Variants in RTN3 observed in about 807,000 individuals in gnomAD.
The protein encoded by RTN3 is reticulon-3.
In RTN3, 49 loss-of-function variants were observed where a neutral mutation model predicts 77.8. The observed-to-expected ratio is 0.63, with a 90% CI of 0.50 to 0.80. The LOEUF (loss-of-function observed/expected upper bound fraction) is 0.80, where lower values mean the gene tolerates loss of function less well. Ranked by LOEUF, RTN3 falls within the 30% of genes least tolerant of loss-of-function variation. The pLI, the probability that RTN3 is intolerant of heterozygous loss-of-function variation, is 0.00. For missense variants in RTN3, 1,236 were observed against 1,211.9 expected (o/e 1.02, Z -0.29); for synonymous variants, 464 against 446.9 (o/e 1.04, Z -0.48).
At chr11:63,716,753 C>T (rs1311358953) in intron 2 of RTN3, among the ~76,000 whole-genome samples, 2 of 152,190 alleles carry the variant, frequency 1.3e-5, no homozygotes, top group East Asian at 1.9e-4. Flanking sequence ...ATCACGGGGT[C>T]AGGAGATCGA....
At chr11:63,685,848 GTAAT>G (rs1239586658) in intron 1 of RTN3, among the ~76,000 whole-genome samples, 1 of 152,148 alleles carries the variant, frequency 6.6e-6, no homozygotes, top group Non-Finnish European at 1.5e-5. Flanking sequence ...GACCTGTCCA[GTAAT>G]TAATTTTAGA....
At chr11:63,710,746 G>A (rs559351168) in intron 2 of RTN3, among the ~76,000 whole-genome samples, 1 of 152,200 alleles carries the variant, frequency 6.6e-6, no homozygotes, top group Admixed American at 6.6e-5. Flanking sequence ...TCGTTGCCTG[G>A]GAAACTTGTA....
chr11:63,750,397 A>G (rs2014037634), intron 4 of RTN3, 199 bp downstream of exon 4: 1 of 567,420 alleles, frequency 1.8e-6, no homozygotes, highest in Admixed American at 3.3e-5. Flanking sequence ...CTTTTTGACA[A>G]ATTAGAGGCT....
In RTN3 at chr11:63,721,048, A is replaced by G; in HGVS notation, c.2530+16A>G. The G allele has an allele frequency of 6.4e-7, 1 of 1,560,904 alleles. No individual in the cohort carries two copies. ...GACTTCTCAGGTAACCATTTATATT[A>G]GAATACTGCATGTGGTTAATTCTGT... On this transcript the variant is annotated intron_variant, in intron 3 of 8. Coordinates refer to ENST00000377819, the MANE Select transcript of RTN3 (RefSeq NM_001265589.2).
intron 3 of RTN3, among the ~76,000 whole-genome samples, chr11:63,734,948 TAGC>T (rs1297181232): frequency 7.2e-5 from 11 of 152,184 alleles, no homozygotes; most frequent in African/African-American, 2.7e-4. Context: ...TAAGTGAACT[TAGC>T]AGGATTGCGG....
At chr11:63,692,547 A>G (rs1439511512) in intron 1 of RTN3, among the ~76,000 whole-genome samples, 1 of 152,054 alleles carries the variant, frequency 6.6e-6, no homozygotes, top group Non-Finnish European at 1.5e-5. Context: ...TCACGAGGTC[A>G]GGAGATGGAG....
At chr11:63,711,879 G>A (rs1413679188) in intron 2 of RTN3, among the ~76,000 whole-genome samples, 1 of 151,828 alleles carries the variant, frequency 6.6e-6, no homozygotes, top group African/African-American at 2.4e-5. Flanking sequence ...ATTTTTTATA[G>A]AGAAGGGATC....
chr11:63,729,654 C>G (rs937818723), intron 3 of RTN3, among the ~76,000 whole-genome samples: 1 of 151,492 alleles, frequency 6.6e-6, no homozygotes, highest in Non-Finnish European at 1.5e-5. Flanking sequence ...GAGACAGAGT[C>G]TCATTATGTT....
In RTN3 at chr11:63,685,683, A is replaced by G. The variant is rs1244484398; in HGVS notation, c.142+3905A>G. 2.6e-5 allele frequency among the ~76,000 whole-genome samples: 4 copies of G among 151,902 alleles called. No homozygotes were observed. In the East Asian group the frequency reaches 7.7e-4, roughly 29 times the overall value. On this transcript the variant is annotated intron_variant, in intron 1 of 8. Transcript: ENST00000377819. ...ATGTAGATGCTAAAAAATTACCTTA[A>G]TTGTTTAAAAAAAAAATCTGTACGT...
chr11:63,691,074 C>T (rs1334222426), intron 1 of RTN3, among the ~76,000 whole-genome samples: 6 of 148,360 alleles, frequency 4.0e-5, no homozygotes, highest in Admixed American at 4.0e-4. Context: ...CTTTCTGACT[C>T]TGTGGATTTC....
At chr11:63,727,732 A>T (rs2012383427) in intron 3 of RTN3, among the ~76,000 whole-genome samples, 1 of 152,126 alleles carries the variant, frequency 6.6e-6, no homozygotes, top group South Asian at 2.1e-4. Flanking sequence ...TTCAGCACTT[A>T]GGGAGGCCGA....
In RTN3 at chr11:63,720,601, G is replaced by T. The variant is rs754876856; in HGVS notation, c.2099G>T (p.Gly700Val). 2.7e-5 allele frequency: 44 copies of T among 1,613,842 alleles called. No individual in the cohort carries two copies. Among genetic ancestry groups the T allele is most frequent in the Middle Eastern group, 1.6e-4 (1 of 6,082 alleles). Residue 700 changes from glycine (G) to valine (V), a missense_variant, in exon 3 of 9, where the codon GGT (glycine) becomes GTT (valine). By Grantham distance (109) the Gly-to-Val change is moderately radical. This residue lies in a region of RTN3 where 1,056 missense variants were observed against 990.4 expected (regional missense o/e 1.07). Coordinates refer to ENST00000377819, the MANE Select transcript of RTN3 (RefSeq NM_001265589.2). ...GTCTTACATGAAAATGAGTCCGGTGGTTCTGAAATTAAAGACATTGGAAGC... is the reference window on the plus strand; with the variant it reads ...GTCTTACATGAAAATGAGTCCGGTGTTTCTGAAATTAAAGACATTGGAAGC... The part of the protein sequence containing the change: ...VEVLHENESG[G>V]SEIKDIGSKY...
chr11:63,736,815 C>G (rs751694950), intron 3 of RTN3, among the ~76,000 whole-genome samples: 1 of 152,086 alleles, frequency 6.6e-6, no homozygotes, highest in Non-Finnish European at 1.5e-5. Flanking sequence ...GAATCTCATT[C>G]AGATACTGAG....
At chr11:63,747,232 TCTA>T (rs1345249493) in intron 3 of RTN3, among the ~76,000 whole-genome samples, 1 of 152,234 alleles carries the variant, frequency 6.6e-6, no homozygotes, top group African/African-American at 2.4e-5. Flanking sequence ...ATCTGTTTGT[TCTA>T]CTACTGATGA....
At chr11:63,748,483 A>T (rs1188181401) in intron 3 of RTN3, among the ~76,000 whole-genome samples, 1 of 149,030 alleles carries the variant, frequency 6.7e-6, no homozygotes, top group African/African-American at 2.5e-5. Context: ...CGAGTAGCTG[A>T]GATTACAAGT....
intron 3 of RTN3, among the ~76,000 whole-genome samples, chr11:63,725,308 A>G (rs529998345): frequency 4.6e-5 from 7 of 152,274 alleles, no homozygotes; most frequent in African/African-American, 1.4e-4. Context: ...TGGAATTTAT[A>G]TAATTTATTC....
Position 63,758,737 on chromosome 11 carries a change from TTAAC to T in RTN3, c.*539_*542del, listed in dbSNP as rs2014517809. The T allele has an allele frequency of 1.0e-5, 2 of 193,580 alleles. No individual in the cohort carries two copies. The highest frequency in any genetic ancestry group is 4.6e-5 in the African/African-American group (2 of 43,232). 12.0% of individuals were successfully genotyped at this position (193,580 alleles called of 1,614,324 possible). A position where few individuals can be genotyped will look rare whatever the true frequency, so the allele number is the denominator to read the frequency against. On this transcript the variant is annotated 3_prime_UTR_variant, in exon 9 of 9. Transcript: ENST00000377819. ...CCTGATACTCCTTTTCTTTAATGATTTAACTATCAACTTGATAAATAACTTATAG... is the reference window on the plus strand; with the variant it reads ...CCTGATACTCCTTTTCTTTAATGATTTATCAACTTGATAAATAACTTATAG...
At chr11:63,737,479 G>A (rs1457507631) in intron 3 of RTN3, among the ~76,000 whole-genome samples, 1 of 152,058 alleles carries the variant, frequency 6.6e-6, no homozygotes, top group Non-Finnish European at 1.5e-5. Flanking sequence ...ATGTGGTGAC[G>A]GGCACCCGTA....
intron 3 of RTN3, among the ~76,000 whole-genome samples, chr11:63,727,568 CAG>C (rs776438946): frequency 1.2e-4 from 19 of 152,256 alleles, no homozygotes; most frequent in Non-Finnish European, 2.4e-4. Context: ...ATGGAGATGA[CAG>C]GGGAAGAAGC....
Sources: gnomAD v4.1 joint callset for allele counts (sites outside exome capture counted in the v4.1 genomes callset) on GRCh38, gnomAD v4.1.1 for gene constraint, gnomAD v4.1.1 regional missense constraint, MANE v1.5 for transcripts, NCBI Gene and HGNC (gene_info 2026-07-23, HGNC 2026-07-21) for gene names.